Variants in FAT3 observed in about 807,000 individuals in gnomAD.
The protein encoded by FAT3 is FAT atypical cadherin 3.
Under a neutral mutation model 310.2 loss-of-function variants are expected in FAT3, and 95 were observed. The observed-to-expected ratio is 0.31, with a 90% confidence interval of 0.26 to 0.36. The LOEUF is 0.36. Ranked by LOEUF, FAT3 falls within the 10% of genes least tolerant of loss-of-function variation. The pLI, the probability that FAT3 is intolerant of heterozygous loss-of-function variation, is 1.00. For missense variants in FAT3, 5,408 were observed against 5,715.6 expected (o/e 0.95, Z 1.74); for synonymous variants, 2,314 against 2,192.9 (o/e 1.06, Z -1.54).
At position 92,367,687 on chromosome 11, in the gene FAT3, A is replaced by T. The variant is rs184990601; in HGVS notation, c.3292+12283A>T. ...TAGAGACAGAAAAGCATGTAATCTA[A>T]TTGTACACCATGTGGTACAACATAA... is the stretch of plus-strand genomic sequence containing the variant. On this transcript the variant is annotated intron_variant, in intron 2 of 27. Coordinates refer to ENST00000525166, the MANE Select transcript of FAT3 (RefSeq NM_001367949.2). Among the ~76,000 whole-genome samples, 93 of 152,322 alleles carry T rather than the reference A, an allele frequency of 6.1e-4. 1 individual carries two copies. Among genetic ancestry groups the T allele is most frequent in the African/African-American group, 2.2e-3 (90 of 41,570 alleles).
At chr11:92,868,080 G>A (rs978261437) in intron 22 of FAT3, among the ~76,000 whole-genome samples, 6 of 152,238 alleles carry the variant, frequency 3.9e-5, no homozygotes, top group African/African-American at 9.6e-5. Flanking sequence ...TTGCCACCTC[G>A]CAACAGCCCA....
At chr11:92,605,719 GTTTTTTT>G (rs5793613) in intron 3 of FAT3, among the ~76,000 whole-genome samples, 13 of 99,758 alleles carry the variant, frequency 1.3e-4, no homozygotes, top group Non-Finnish European at 2.2e-4. Flanking sequence ...AAATAGCTAT[GTTTTTTT>G]TTTTTTTTTT....
chr11:92,710,403 G>A (rs1944484961), intron 4 of FAT3, among the ~76,000 whole-genome samples: 1 of 152,136 alleles, frequency 6.6e-6, no homozygotes, highest in Admixed American at 6.5e-5. Flanking sequence ...TCTCAACTTT[G>A]CATGTCCCAT....
Position 92,259,180 on chromosome 11 carries a change from A to G in FAT3, c.-18+34006A>G, listed in dbSNP as rs923191319. Among the ~76,000 whole-genome samples the G allele has an allele frequency of 5.9e-5, 9 of 152,114 alleles. No individual in the cohort carries two copies. In the East Asian group the frequency reaches 1.7e-3, roughly 29 times the overall value. Reference sequence around the variant, plus strand: ...ACACCTTTAATTCTTAGGATTCTTTATTTCAATTATTTAAGAGAATTAGAG... The same window carrying G: ...ACACCTTTAATTCTTAGGATTCTTTGTTTCAATTATTTAAGAGAATTAGAG... On this transcript the variant is annotated intron_variant, in intron 1 of 27. Transcript: ENST00000525166.
At chr11:92,625,986 AGATAACT>A (rs1268132061) in intron 3 of FAT3, among the ~76,000 whole-genome samples, 1 of 152,198 alleles carries the variant, frequency 6.6e-6, no homozygotes, top group Non-Finnish European at 1.5e-5. Context: ...TTATTTCCAC[AGATAACT>A]CCTTGTTTTC....
chr11:92,493,917 C>A (rs1422797139), intron 2 of FAT3, among the ~76,000 whole-genome samples: 2 of 151,926 alleles, frequency 1.3e-5, no homozygotes, highest in Non-Finnish European at 2.9e-5. Context: ...CAGCAGTGGG[C>A]TGCAAGAATG....
chr11:92,766,503 G>A (rs150359559), intron 6 of FAT3: 174 of 152,326 alleles, frequency 1.1e-3, no homozygotes, highest in African/African-American at 3.8e-3. Context: ...GAAAAAGAAC[G>A]CCCCATGGCC....
At chr11:92,647,159 C>A (rs1040704180) in intron 3 of FAT3, among the ~76,000 whole-genome samples, 5 of 152,030 alleles carry the variant, frequency 3.3e-5, no homozygotes, top group African/African-American at 1.2e-4. Context: ...CTTTAATTAT[C>A]TTTCGTTTTG....
At chr11:92,607,268 A>G (rs887060801) in intron 3 of FAT3, among the ~76,000 whole-genome samples, 14 of 148,766 alleles carry the variant, frequency 9.4e-5, no homozygotes, top group African/African-American at 3.4e-4. Flanking sequence ...TTCATGCATC[A>G]CCCTGATAGG....
chr11:92,517,144 A>G (rs1953513341), intron 2 of FAT3, among the ~76,000 whole-genome samples: 1 of 152,204 alleles, frequency 6.6e-6, no homozygotes, highest in East Asian at 1.9e-4. Context: ...TAAATTTCAT[A>G]TGGAACCAAA....
In FAT3 at chr11:92,859,332, A is replaced by G; in HGVS notation, c.11658+10A>G. The G allele has an allele frequency of 1.3e-6, 2 of 1,575,406 alleles. No homozygotes were observed. Among genetic ancestry groups the G allele is most frequent in the Non-Finnish European group, 1.7e-6 (2 of 1,155,374 alleles). ...CTGCATAATTCTGAAGGTAATTAAA[A>G]TGGGTTATCTTTTTCTGCAGTCAGT... On this transcript the variant is annotated intron_variant, in intron 21 of 27. Transcript: ENST00000525166.
At chr11:92,549,890 A>G (rs1465490315) in intron 3 of FAT3, among the ~76,000 whole-genome samples, 1 of 152,086 alleles carries the variant, frequency 6.6e-6, no homozygotes, top group African/African-American at 2.4e-5. Flanking sequence ...TTACATATAT[A>G]CTCTCATTTC....
chr11:92,494,668 A>AT (rs1952702388), intron 2 of FAT3, among the ~76,000 whole-genome samples: 1 of 152,058 alleles, frequency 6.6e-6, no homozygotes, highest in Non-Finnish European at 1.5e-5. Context: ...CTTGCCCAAT[A>AT]TTTCTCATAA....
chr11:92,312,255 G>C (rs1227341826), intron 1 of FAT3, among the ~76,000 whole-genome samples: 2 of 152,152 alleles, frequency 1.3e-5, no homozygotes, highest in African/African-American at 2.4e-5. Context: ...TTGGTATATG[G>C]GAGTTGTTTA....
intron 4 of FAT3, among the ~76,000 whole-genome samples, chr11:92,725,663 G>A (rs1004239497): frequency 4.6e-5 from 7 of 152,054 alleles, no homozygotes; most frequent in African/African-American, 1.7e-4. Flanking sequence ...CTTTCTATAA[G>A]CTGTTGCCTC....
chr11:92,476,098 C>T (rs1399350927), intron 2 of FAT3, among the ~76,000 whole-genome samples: 1 of 151,452 alleles, frequency 6.6e-6, no homozygotes, highest in Non-Finnish European at 1.5e-5. Context: ...TGTGTGTATA[C>T]AAGTGTGTGC....
At chr11:92,371,209 A>G (rs375496681) in intron 2 of FAT3, among the ~76,000 whole-genome samples, 10 of 152,310 alleles carry the variant, frequency 6.6e-5, no homozygotes, top group African/African-American at 2.4e-4. Flanking sequence ...GTATTGACAT[A>G]TTTTCTTTTC....
At chr11:92,719,389 A>G (rs1944789357) in intron 4 of FAT3, among the ~76,000 whole-genome samples, 1 of 152,136 alleles carries the variant, frequency 6.6e-6, no homozygotes, top group Admixed American at 6.6e-5. Flanking sequence ...TCGTCTCTCA[A>G]TATCCGTGGA....
At chr11:92,490,532 G>C (rs1235837241) in intron 2 of FAT3, among the ~76,000 whole-genome samples, 1 of 151,882 alleles carries the variant, frequency 6.6e-6, no homozygotes, top group Non-Finnish European at 1.5e-5. Flanking sequence ...AAAGTGGTGG[G>C]GTTTTTGTTT....
Sources: gnomAD v4.1 joint callset for allele counts (sites outside exome capture counted in the v4.1 genomes callset) on GRCh38, gnomAD v4.1.1 for gene constraint, MANE v1.5 for transcripts, NCBI Gene and HGNC (gene_info 2026-07-23, HGNC 2026-07-21) for gene names.